The following FMO1 variants were observed in gnomAD, a reference collection of about 807,000 sequenced individuals.
The protein encoded by FMO1 is flavin-containing monooxygenase 1.
A neutral mutation model predicts 45.4 loss-of-function variants in FMO1; 36 were observed. That is an observed-to-expected ratio of 0.79 (90% CI 0.61 to 1.05). FMO1 has a LOEUF of 1.05. Ranked by LOEUF, FMO1 falls within the 50% of genes least tolerant of loss-of-function variation. The pLI is 0.00. For missense variants in FMO1, 615 were observed against 640.3 expected (o/e 0.96, Z 0.43); for synonymous variants, 228 against 227.2 (o/e 1.00, Z -0.03).
At chr1:171,267,369 C>A (rs752569282) in intron 2 of FMO1, among the ~76,000 whole-genome samples, 174 bp from the exon 3 acceptor site, 1 of 152,154 alleles carries the variant, frequency 6.6e-6, no homozygotes, top group Non-Finnish European at 1.5e-5. Context: ...CCCATAAAAC[C>A]AAATTACCTA....
chr1:171,255,022 A>C (rs1160278513), intron 1 of FMO1, among the ~76,000 whole-genome samples: 1 of 152,198 alleles, frequency 6.6e-6, no homozygotes, highest in African/African-American at 2.4e-5. Context: ...CCCAATACAC[A>C]AACTTGGGCT....
rs1020243289 is a variant in FMO1 at position 171,256,494 on chromosome 1, T to A, written c.-6-1588T>A. ...GTTGGGCCCAGAGAGGGGAAAATTA[T>A]ACAAGGTTTTTGATTTTATAGTGTC... On this transcript the variant is annotated intron_variant, in intron 1 of 8. Transcript: ENST00000617670. Among the ~76,000 whole-genome samples the A allele has an allele frequency of 3.3e-5, 5 of 152,054 alleles. No homozygotes were observed. The East Asian group carries it at 5.8e-4, about 18-fold the overall frequency.
chr1:171,255,311 GT>G (rs1270895930), intron 1 of FMO1, among the ~76,000 whole-genome samples: 1 of 152,184 alleles, frequency 6.6e-6, no homozygotes, highest in African/African-American at 2.4e-5. Flanking sequence ...TCCTTCAAAT[GT>G]TTAAAGGCAA....
chr1:171,274,269 T>C (rs1661006208), intron 3 of FMO1, among the ~76,000 whole-genome samples: 1 of 151,586 alleles, frequency 6.6e-6, no homozygotes, highest in South Asian at 2.1e-4. Context: ...TGACAAGCTT[T>C]TTTTTTTTTG....
chr1:171,260,728 C>T (rs72714180), intron 2 of FMO1, among the ~76,000 whole-genome samples: 18,801 of 151,446 alleles, frequency 0.12, 1,185 homozygotes, highest in Admixed American at 0.17. Context: ...GTCAGGAGTT[C>T]GAGACCAGCC....
In FMO1 at chr1:171,258,108, T is replaced by C. The variant is rs756951000; in HGVS notation, c.21T>C (p.Ile7=). 1 of 1,614,128 alleles carries C rather than the reference T, an allele frequency of 6.2e-7. No homozygotes were observed. The highest frequency in any genetic ancestry group is 8.5e-7 in the Non-Finnish European group (1 of 1,180,014). The change falls in exon 2 of 9, where the codon ATT becomes ATC. Residue 7 remains isoleucine, a synonymous_variant. Coordinates refer to ENST00000617670, the MANE Select transcript of FMO1 (RefSeq NM_001282693.2). ...AGAACATGGCCAAGCGAGTTGCCATTGTGGGAGCTGGGGTCAGCGGCCTGG... is the reference window on the plus strand; with the variant it reads ...AGAACATGGCCAAGCGAGTTGCCATCGTGGGAGCTGGGGTCAGCGGCCTGG... MAKRVA[I]VGAGVSGLAS...
chr1:171,278,970 G>T, intron 5 of FMO1, 99 bp downstream of exon 5: 1 of 927,590 alleles, frequency 1.1e-6, no homozygotes, highest in Non-Finnish European at 1.5e-6. Flanking sequence ...GGAATAAAAT[G>T]TCTCACATGC....
chr1:171,283,660 G>T (rs751016785), intron 8 of FMO1, among the ~76,000 whole-genome samples: 1 of 151,968 alleles, frequency 6.6e-6, no homozygotes, highest in Non-Finnish European at 1.5e-5. Flanking sequence ...GTTTTTATTC[G>T]GAGTGTGGCT....
chr1:171,266,774 G>A (rs12044571), intron 2 of FMO1, among the ~76,000 whole-genome samples: 22 of 152,218 alleles, frequency 1.4e-4, no homozygotes, highest in African/African-American at 5.3e-4. Context: ...TAAAATACAA[G>A]AACCTTGCCA....
At chr1:171,259,289 G>A (rs1327246367) in intron 2 of FMO1, among the ~76,000 whole-genome samples, 5 of 152,192 alleles carry the variant, frequency 3.3e-5, no homozygotes, top group Non-Finnish European at 5.9e-5. Flanking sequence ...CAGCATAGGC[G>A]GCTTGGCTCA....
At chr1:171,268,767 C>G (rs757130736) in intron 3 of FMO1, among the ~76,000 whole-genome samples, 24 of 152,108 alleles carry the variant, frequency 1.6e-4, no homozygotes, top group Non-Finnish European at 2.6e-4. Flanking sequence ...TTGACCAAAA[C>G]AAGTGGAAAA....
chr1:171,285,304 C>A lies in FMO1; in HGVS notation c.1359C>A (p.Leu453=). Residue 453 remains leucine, a synonymous_variant, in exon 9 of 9, where the codon CTC becomes CTA. Transcript: ENST00000617670. ...INAKPNLFSM[L]LTDPHLALTV... ...CAAAACCCAACCTGTTCTCTATGCT[C>A]CTAACGGATCCACATCTGGCTCTGA... 6.2e-7 allele frequency: 1 copy of A among 1,613,986 alleles called. No individual in the cohort carries two copies. Among genetic ancestry groups the A allele is most frequent in the Non-Finnish European group, 8.5e-7 (1 of 1,179,892 alleles).
intron 3 of FMO1, chr1:171,271,343 C>T (rs1558012107): frequency 1.9e-5 from 26 of 1,342,412 alleles, no homozygotes; most frequent in Non-Finnish European, 2.4e-5. Context: ...TTTGTCTCCC[C>T]TTTGGGAGGG....
intron 3 of FMO1, among the ~76,000 whole-genome samples, chr1:171,272,530 G>A (rs1660911093): frequency 6.6e-6 from 1 of 152,228 alleles, no homozygotes. Flanking sequence ...GCCTGTGAAA[G>A]CAGCCAGGAG....
chr1:171,266,391 A>T (rs1660620216), intron 2 of FMO1, among the ~76,000 whole-genome samples: 2 of 152,224 alleles, frequency 1.3e-5, no homozygotes, highest in Non-Finnish European at 2.9e-5. Flanking sequence ...TTTGAATAAC[A>T]CTGCATTAGA....
intron 3 of FMO1, chr1:171,271,382 G>C: frequency 8.5e-7 from 1 of 1,174,916 alleles, no homozygotes; most frequent in Admixed American, 1.7e-5. Flanking sequence ...CTTTCATAAT[G>C]GGCCTTGTCA....
intron 3 of FMO1, among the ~76,000 whole-genome samples, chr1:171,272,411 C>A (rs1660907859): frequency 1.3e-5 from 2 of 152,188 alleles, no homozygotes; most frequent in African/African-American, 4.8e-5. Flanking sequence ...TCTACTGGGG[C>A]TCTGCCTAGT....
intron 3 of FMO1, among the ~76,000 whole-genome samples, chr1:171,273,902 A>C (rs1388361281): frequency 2.0e-5 from 3 of 152,164 alleles, no homozygotes; most frequent in Non-Finnish European, 4.4e-5. Context: ...GCAGTGGCCC[A>C]CACCTGTAAT....
At chr1:171,279,603 T>G (rs1661271109) in intron 5 of FMO1, among the ~76,000 whole-genome samples, 1 of 152,130 alleles carries the variant, frequency 6.6e-6, no homozygotes, top group African/African-American at 2.4e-5. Context: ...GCCCTGCATT[T>G]TATTTTTGCC....
Sources: allele counts gnomAD v4.1 joint callset (sites outside exome capture counted in the v4.1 genomes callset), GRCh38; gene constraint gnomAD v4.1.1; transcripts MANE v1.5; gene names NCBI Gene and HGNC (gene_info 2026-07-23, HGNC 2026-07-21).